MICOS10: variants seen among roughly 807,000 people sequenced by gnomAD.
The protein encoded by MICOS10 is MICOS complex subunit MIC10.
In MICOS10, 5 loss-of-function variants were observed where a neutral mutation model predicts 13.4. That is an observed-to-expected ratio of 0.37 (90% CI 0.20 to 0.78). The LOEUF (loss-of-function observed/expected upper bound fraction) is 0.78. Among genes scored for constraint, MICOS10 ranks in the 30% least tolerant of loss-of-function variants. The pLI is 0.47. For synonymous variants in MICOS10, 35 were observed against 33.6 expected, an observed-to-expected ratio of 1.04 and a Z score of -0.15; for missense variants, 101 against 94.6, an observed-to-expected ratio of 1.07 and a Z score of -0.28.
intron 3 of MICOS10, chr1:19,625,635 C>A: frequency 2.3e-6 from 3 of 1,286,798 alleles, no homozygotes; most frequent in Non-Finnish European, 3.0e-6. Context: ...AGCTTCAGGT[C>A]TTTTGCTTAA....
chr1:19,604,009 C>G (rs2094825769), intron 1 of MICOS10, among the ~76,000 whole-genome samples: 1 of 152,156 alleles, frequency 6.6e-6, no homozygotes, highest in African/African-American at 2.4e-5. Flanking sequence ...GTATTCAATT[C>G]AGTGAACTGT....
intron 1 of MICOS10, among the ~76,000 whole-genome samples, chr1:19,597,465 A>C (rs951228355): frequency 6.6e-6 from 1 of 152,188 alleles, no homozygotes; most frequent in Non-Finnish European, 1.5e-5. Flanking sequence ...ATTCCCCGGC[A>C]CGCGGCGGGG....
At chr1:19,618,960 A>G (rs1381097764) in intron 1 of MICOS10, among the ~76,000 whole-genome samples, 1 of 152,252 alleles carries the variant, frequency 6.6e-6, no homozygotes, top group Non-Finnish European at 1.5e-5. Flanking sequence ...AAAATGTAGC[A>G]CTGACAACTA....
intron 1 of MICOS10, among the ~76,000 whole-genome samples, chr1:19,619,276 T>G (rs889552926): frequency 6.6e-6 from 1 of 152,252 alleles, no homozygotes; most frequent in Admixed American, 6.5e-5. Context: ...GCCCAAAGAC[T>G]GCAATCAGAT....
intron 1 of MICOS10, among the ~76,000 whole-genome samples, chr1:19,609,926 C>T (rs1202720930): frequency 6.6e-6 from 1 of 152,134 alleles, no homozygotes; most frequent in Non-Finnish European, 1.5e-5. Flanking sequence ...GGGCAGATCA[C>T]GAGGTCAAGA....
intron 3 of MICOS10, among the ~76,000 whole-genome samples, chr1:19,624,258 T>A (rs910624924): frequency 1.3e-5 from 2 of 152,120 alleles, no homozygotes; most frequent in African/African-American, 4.8e-5. Flanking sequence ...ACTGAAGTCC[T>A]GTCTTCAGGT....
chr1:19,612,143 C>T (rs187258838), intron 1 of MICOS10, among the ~76,000 whole-genome samples: 114 of 151,140 alleles, frequency 7.5e-4, no homozygotes, highest in African/African-American at 2.6e-3. Flanking sequence ...TCTGGGTTCA[C>T]GCCATTCTCC....
At chr1:19,611,830 G>A (rs1299774871) in intron 1 of MICOS10, among the ~76,000 whole-genome samples, 1 of 151,354 alleles carries the variant, frequency 6.6e-6, no homozygotes, top group East Asian at 2.0e-4. Flanking sequence ...AAATTAGCTG[G>A]GCGTGGTGGC....
intron 1 of MICOS10, among the ~76,000 whole-genome samples, chr1:19,617,101 T>C (rs1558345137): frequency 6.6e-6 from 1 of 152,244 alleles, no homozygotes; most frequent in Non-Finnish European, 1.5e-5. Flanking sequence ...CTGTCAGCAT[T>C]CTGGAAGTTG....
intron 2 of MICOS10, among the ~76,000 whole-genome samples, chr1:19,622,417 G>C (rs938038263): frequency 6.6e-6 from 1 of 151,928 alleles, no homozygotes; most frequent in African/African-American, 2.4e-5. Flanking sequence ...GCCTGTACTT[G>C]ATGCCAGTGA....
In MICOS10 at chr1:19,597,003, CG is replaced by C. The variant is rs1570455798; in HGVS notation, c.-38del. On this transcript the variant is annotated 5_prime_UTR_variant, in exon 1 of 4. Coordinates refer to ENST00000322753, the MANE Select transcript of MICOS10 (RefSeq NM_001032363.4). ...CGCGAGACTTTCAGGGGTCGGAGCG[CG>C]GGGGCCGGCCGAGAGGAAAGCTGGA... The C allele has an allele frequency of 3.8e-6, 6 of 1,562,486 alleles. No homozygotes were observed. The highest frequency in any genetic ancestry group is 1.7e-4 in the Middle Eastern group (1 of 5,788).
chr1:19,625,565 C>A (rs1297320760), intron 3 of MICOS10: 2 of 1,289,310 alleles, frequency 1.6e-6, no homozygotes, highest in Non-Finnish European at 2.0e-6. Flanking sequence ...CACTCCCTGG[C>A]TCCTCGCTTT....
At chr1:19,614,326 A>T (rs994394779) in intron 1 of MICOS10, among the ~76,000 whole-genome samples, 2 of 141,632 alleles carry the variant, frequency 1.4e-5, no homozygotes, top group African/African-American at 2.6e-5. Context: ...CCTCCCTTAT[A>T]AAAAAAAAAA....
intron 3 of MICOS10, 90 bp downstream of exon 3, chr1:19,623,673 A>G: frequency 1.1e-6 from 1 of 873,262 alleles, no homozygotes; most frequent in South Asian, 1.5e-5. Context: ...TGTAATGAGT[A>G]AACCATGTGT....
At chr1:19,619,676 CCTT>C (rs1289503313) in intron 1 of MICOS10, among the ~76,000 whole-genome samples, 1 of 152,150 alleles carries the variant, frequency 6.6e-6, no homozygotes, top group Non-Finnish European at 1.5e-5. Context: ...AGGAATTGCT[CCTT>C]CTTAGAAATG....
rs547212287 is a variant in MICOS10 at position 19,627,280 on chromosome 1, G to A, written c.*879G>A. 6.6e-6 allele frequency: 1 copy of A among 152,310 alleles called. No homozygotes were observed. The highest frequency in any genetic ancestry group is 2.1e-4 in the South Asian group (1 of 4,832). 9.4% of individuals were successfully genotyped at this position (152,310 alleles called of 1,614,324 possible). A position where few individuals can be genotyped will look rare whatever the true frequency, so the allele number is the denominator to read the frequency against. ...TTCAGACGATATACAGAACCCCAGC[G>A]CTCAGCCGTTCTTATTTCTTTTTCC... On this transcript the variant is annotated 3_prime_UTR_variant, in exon 4 of 4. Transcript: ENST00000322753.
At chr1:19,623,635 T>C in intron 3 of MICOS10, 52 bp downstream of exon 3, 1 of 1,328,176 alleles carries the variant, frequency 7.5e-7, no homozygotes, top group Non-Finnish European at 1.1e-6. Flanking sequence ...AGATTTCTCC[T>C]GAGCCCTGAA....
chr1:19,617,939 A>G (rs142601671), intron 1 of MICOS10, among the ~76,000 whole-genome samples: 169 of 151,794 alleles, frequency 1.1e-3, no homozygotes, highest in Non-Finnish European at 9.7e-4. Flanking sequence ...ACACATACAC[A>G]CACAGCAAAG....
At chr1:19,597,286 C>T (rs2094795682) in intron 1 of MICOS10, among the ~76,000 whole-genome samples, 177 bp downstream of exon 1, 1 of 152,196 alleles carries the variant, frequency 6.6e-6, no homozygotes, top group African/African-American at 2.4e-5. Flanking sequence ...GGGCGGCGGG[C>T]ACAGACCCGA....
Sources: allele counts gnomAD v4.1 joint callset (sites outside exome capture counted in the v4.1 genomes callset), GRCh38; gene constraint gnomAD v4.1.1; transcripts MANE v1.5; gene names NCBI Gene and HGNC (gene_info 2026-07-23, HGNC 2026-07-21).